Variants in SCFD2 observed in about 807,000 individuals in gnomAD.
The protein encoded by SCFD2 is sec1 family domain containing 2, also known as sec1 family domain-containing protein 2.
Under a neutral mutation model 58.9 loss-of-function variants are expected in SCFD2, and 54 were observed. That is an observed-to-expected ratio of 0.92 (90% confidence interval 0.74 to 1.15). The LOEUF is 1.15. Ranked by LOEUF, SCFD2 falls within the 50% of genes most tolerant of loss-of-function variation. The pLI is 0.00. For missense variants in SCFD2, 805 were observed against 836.6 expected (o/e 0.96, Z 0.47); for synonymous variants, 321 against 335.9 (o/e 0.96, Z 0.49).
At chr4:53,089,061 G>A (rs1044979593) in intron 5 of SCFD2, among the ~76,000 whole-genome samples, 7 of 152,126 alleles carry the variant, frequency 4.6e-5, no homozygotes, top group Admixed American at 3.3e-4. Context: ...CTGGAAGAAG[G>A]CCCTCACCAG....
intron 5 of SCFD2, among the ~76,000 whole-genome samples, chr4:52,975,922 G>T (rs1309132597): frequency 2.7e-5 from 4 of 149,206 alleles, no homozygotes; most frequent in Non-Finnish European, 5.9e-5. Context: ...CTATCGCAAG[G>T]ACAAAAAACC....
chr4:52,948,070 G>T (rs1338728674), intron 5 of SCFD2, among the ~76,000 whole-genome samples: 1 of 150,880 alleles, frequency 6.6e-6, no homozygotes, highest in African/African-American at 2.4e-5. Context: ...AGGGAAGAGA[G>T]AATGACACAA....
At chr4:53,186,258 T>G (rs1163054502) in intron 4 of SCFD2, among the ~76,000 whole-genome samples, 1 of 152,068 alleles carries the variant, frequency 6.6e-6, no homozygotes, top group Non-Finnish European at 1.5e-5. Flanking sequence ...ATTTCCCAAT[T>G]CATATTATAT....
chr4:53,286,191 T>A (rs1404802210), intron 3 of SCFD2, among the ~76,000 whole-genome samples: 4 of 152,100 alleles, frequency 2.6e-5, no homozygotes, highest in Non-Finnish European at 4.4e-5. Context: ...GCTGTTGCTG[T>A]ATGGTGCCCC....
chr4:52,925,919 T>C (rs555036296), intron 5 of SCFD2, among the ~76,000 whole-genome samples: 211 of 152,206 alleles, frequency 1.4e-3, no homozygotes, highest in African/African-American at 4.5e-3. Context: ...AGGGGTCTAG[T>C]TACCCCTCAG....
At chr4:53,099,917 G>A (rs1346702067) in intron 5 of SCFD2, among the ~76,000 whole-genome samples, 1 of 152,074 alleles carries the variant, frequency 6.6e-6, no homozygotes, top group Non-Finnish European at 1.5e-5. Context: ...GTATGTGAAA[G>A]TTTATAAAAT....
chr4:52,926,241 C>A (rs1382732731), intron 5 of SCFD2, among the ~76,000 whole-genome samples: 1 of 151,994 alleles, frequency 6.6e-6, no homozygotes, highest in Admixed American at 6.6e-5. Flanking sequence ...CTTGGGCCAC[C>A]TTTTCATAAG....
chr4:53,187,838 C>A (rs1422150689), intron 4 of SCFD2, among the ~76,000 whole-genome samples: 1 of 152,096 alleles, frequency 6.6e-6, no homozygotes, highest in South Asian at 2.1e-4. Context: ...ATAACATTTT[C>A]TAAATTCTTT....
At chr4:53,023,661 C>T (rs1483617972) in intron 5 of SCFD2, among the ~76,000 whole-genome samples, 1 of 152,132 alleles carries the variant, frequency 6.6e-6, no homozygotes, top group Non-Finnish European at 1.5e-5. Context: ...CTTTATCATA[C>T]CTTTAGCTTC....
intron 4 of SCFD2, among the ~76,000 whole-genome samples, chr4:53,254,002 A>G (rs1730501785): frequency 6.6e-6 from 1 of 152,120 alleles, no homozygotes; most frequent in Admixed American, 6.5e-5. Flanking sequence ...AGAGAAAACC[A>G]AATACCACAT....
chr4:53,296,620 T>C (rs1044078637), intron 3 of SCFD2, among the ~76,000 whole-genome samples: 1 of 152,176 alleles, frequency 6.6e-6, no homozygotes, highest in Admixed American at 6.5e-5. Flanking sequence ...TTGAAGTGTT[T>C]TTTATGTCTC....
At chr4:52,895,620 C>T (rs1016964735) in intron 7 of SCFD2, among the ~76,000 whole-genome samples, 13 of 152,024 alleles carry the variant, frequency 8.6e-5, no homozygotes, top group Middle Eastern at 3.2e-3. Context: ...TGAATAGTGC[C>T]GCAATAAACA....
At chr4:53,131,904 CTT>C in intron 5 of SCFD2, among the ~76,000 whole-genome samples, 1 of 152,220 alleles carries the variant, frequency 6.6e-6, no homozygotes, top group Admixed American at 6.5e-5. Flanking sequence ...TAGCTAATCT[CTT>C]AAACAATTCA....
intron 3 of SCFD2, among the ~76,000 whole-genome samples, chr4:53,279,275 T>C (rs1215380176): frequency 6.6e-6 from 1 of 152,226 alleles, no homozygotes; most frequent in Non-Finnish European, 1.5e-5. Flanking sequence ...CAGTTAGGCT[T>C]TATTTTTCTT....
intron 5 of SCFD2, among the ~76,000 whole-genome samples, chr4:52,986,516 T>TTTTCC (rs386400054): frequency 7.3e-6 from 1 of 136,186 alleles, no homozygotes; most frequent in Non-Finnish European, 1.6e-5. Flanking sequence ...TTTTTTTTTT[T>TTTTCC]GAGACGGAGT....
intron 7 of SCFD2, among the ~76,000 whole-genome samples, chr4:52,894,995 T>C (rs555299866): frequency 6.6e-4 from 100 of 152,302 alleles, no homozygotes; most frequent in African/African-American, 2.3e-3. Context: ...CTCACTTATT[T>C]TGAAACCAGC....
chr4:52,958,470 C>A (rs1416748434), intron 5 of SCFD2, among the ~76,000 whole-genome samples: 1 of 152,176 alleles, frequency 6.6e-6, no homozygotes, highest in African/African-American at 2.4e-5. Context: ...TCAGCAGTAA[C>A]ATTCCATAAC....
chr4:52,944,085 A>C (rs1257314775), intron 5 of SCFD2, among the ~76,000 whole-genome samples: 1 of 152,210 alleles, frequency 6.6e-6, no homozygotes, highest in Non-Finnish European at 1.5e-5. Context: ...GGCCTTATTG[A>C]ATGATAGATA....
chr4:52,899,983 CG>C (rs750991870), intron 7 of SCFD2, among the ~76,000 whole-genome samples: 2 of 152,140 alleles, frequency 1.3e-5, no homozygotes, highest in African/African-American at 2.4e-5. Context: ...GTTCTCGTGC[CG>C]TGGTTGTCAG....
Sources: gnomAD v4.1 joint callset for allele counts (sites outside exome capture counted in the v4.1 genomes callset) on GRCh38, gnomAD v4.1.1 for gene constraint, MANE v1.5 for transcripts, NCBI Gene and HGNC (gene_info 2026-07-23, HGNC 2026-07-21) for gene names.